Variants in NDUFS4 observed in about 807,000 individuals in gnomAD.
The protein encoded by NDUFS4 is NADH:ubiquinone oxidoreductase subunit S4.
Under a neutral mutation model 24.3 loss-of-function variants are expected in NDUFS4, and 28 were observed. That is an observed-to-expected ratio of 1.15 (90% confidence interval 0.85 to 1.58). The LOEUF is 1.58. Among genes scored for constraint, NDUFS4 ranks in the 40% most tolerant of loss-of-function variants. NDUFS4 has a pLI of 0.00. For missense variants in NDUFS4, 223 were observed against 207.9 expected, an observed-to-expected ratio of 1.07 and a Z score of -0.45; for synonymous variants, 93 against 69.7, an observed-to-expected ratio of 1.34 and a Z score of -1.67.
intron 1 of NDUFS4, among the ~76,000 whole-genome samples, chr5:53,577,134 A>T (rs1018702853): frequency 9.2e-5 from 14 of 152,142 alleles, no homozygotes; most frequent in Non-Finnish European, 1.9e-4. Flanking sequence ...GGGAACAAAA[A>T]AGTATGATGT....
intron 4 of NDUFS4, among the ~76,000 whole-genome samples, chr5:53,677,864 C>T (rs1432483949): frequency 6.6e-6 from 1 of 152,168 alleles, no homozygotes; most frequent in Non-Finnish European, 1.5e-5. Context: ...CACTTCCAAA[C>T]TCATGTCAGG....
rs141621684 is a variant in NDUFS4, at chr5:53,595,895, C to T, written c.99-7557C>T. Among the ~76,000 whole-genome samples the T allele has an allele frequency of 5.7e-4, 87 of 152,248 alleles. 1 individual carries two copies. In the East Asian group the frequency reaches 0.016, roughly 28 times the overall value. ...AAAATAATCCTTACTTTTTCCTCCT[C>T]TATGAGCAGGAGGTGCTTACTTTTT... On this transcript the variant is annotated intron_variant, in intron 1 of 4. Coordinates refer to ENST00000296684, the MANE Select transcript of NDUFS4 (RefSeq NM_002495.4).
chr5:53,627,879 C>T (rs1035733470), intron 2 of NDUFS4, among the ~76,000 whole-genome samples: 1 of 152,120 alleles, frequency 6.6e-6, no homozygotes, highest in East Asian at 1.9e-4. Context: ...TTATTTCTTT[C>T]TCTTGCCCGA....
intron 1 of NDUFS4, among the ~76,000 whole-genome samples, chr5:53,599,453 G>C (rs1750243066): frequency 6.6e-6 from 1 of 152,066 alleles, no homozygotes. Context: ...TGTTGTAAAA[G>C]GGTGTAAAAT....
chr5:53,596,756 G>C (rs1750146533), intron 1 of NDUFS4, among the ~76,000 whole-genome samples: 2 of 151,998 alleles, frequency 1.3e-5, no homozygotes, highest in African/African-American at 4.8e-5. Flanking sequence ...GGTGAGTCTG[G>C]GTTAATTTAA....
At chr5:53,661,945 G>C (rs1752356071) in intron 4 of NDUFS4, among the ~76,000 whole-genome samples, 1 of 137,078 alleles carries the variant, frequency 7.3e-6, no homozygotes, top group East Asian at 2.5e-4. Flanking sequence ...TCTGCAAACA[G>C]GGACAATTTG....
intron 4 of NDUFS4, among the ~76,000 whole-genome samples, chr5:53,682,585 G>C (rs900306996): frequency 2.0e-5 from 3 of 152,052 alleles, no homozygotes; most frequent in Admixed American, 2.0e-4. Context: ...GCCTGTCCAA[G>C]TCCAGGGGAT....
chr5:53,660,952 C>T (rs1297762319), intron 4 of NDUFS4, among the ~76,000 whole-genome samples: 1 of 152,136 alleles, frequency 6.6e-6, no homozygotes, highest in Non-Finnish European at 1.5e-5. Context: ...CTGTAGGTTG[C>T]CTGTTCACTC....
At chr5:53,682,921 A>ATCTT (rs1168566791) in intron 4 of NDUFS4, among the ~76,000 whole-genome samples, 197 bp from the exon 5 acceptor site, 5 of 142,006 alleles carry the variant, frequency 3.5e-5, no homozygotes, top group African/African-American at 1.3e-4. Flanking sequence ...TCTGCAGGCA[A>ATCTT]TCTTTTGGAC....
At chr5:53,642,055 G>A (rs1350536968) in intron 2 of NDUFS4, among the ~76,000 whole-genome samples, 1 of 152,080 alleles carries the variant, frequency 6.6e-6, no homozygotes, top group African/African-American at 2.4e-5. Flanking sequence ...TGGCTTTTCT[G>A]GGCGTACTGA....
chr5:53,584,041 T>G (rs1749661955), intron 1 of NDUFS4, among the ~76,000 whole-genome samples: 1 of 152,206 alleles, frequency 6.6e-6, no homozygotes, highest in Admixed American at 6.5e-5. Context: ...AAGCTTTTCC[T>G]TACAGTCCTG....
At chr5:53,580,615 G>C (rs941234435) in intron 1 of NDUFS4, among the ~76,000 whole-genome samples, 1 of 152,120 alleles carries the variant, frequency 6.6e-6, no homozygotes, top group Non-Finnish European at 1.5e-5. Flanking sequence ...ATGTTACGAT[G>C]ATGACTTCCT....
intron 4 of NDUFS4, among the ~76,000 whole-genome samples, chr5:53,661,609 G>A (rs943316971): frequency 1.1e-4 from 17 of 152,094 alleles, no homozygotes; most frequent in South Asian, 2.1e-4. Flanking sequence ...CCATTTTCAC[G>A]ATATTGATTC....
intron 2 of NDUFS4, among the ~76,000 whole-genome samples, chr5:53,626,093 G>A (rs567003065): frequency 2.0e-4 from 31 of 152,080 alleles, no homozygotes; most frequent in Middle Eastern, 3.4e-3. Flanking sequence ...GTGTCCAAGT[G>A]TTCTCATTGT....
chr5:53,588,798 A>G (rs1363930849), intron 1 of NDUFS4, among the ~76,000 whole-genome samples: 1 of 152,060 alleles, frequency 6.6e-6, no homozygotes, highest in Non-Finnish European at 1.5e-5. Flanking sequence ...ATCATGTCTT[A>G]TATTGTCACC....
At chr5:53,616,560 A>G (rs2112472731) in intron 2 of NDUFS4, among the ~76,000 whole-genome samples, 1 of 152,244 alleles carries the variant, frequency 6.6e-6, no homozygotes, top group Middle Eastern at 3.4e-3. Context: ...GGAAAAGCTA[A>G]TGACCAAAAG....
chr5:53,573,410 C>T (rs1749279639), intron 1 of NDUFS4, among the ~76,000 whole-genome samples: 1 of 152,080 alleles, frequency 6.6e-6, no homozygotes. Flanking sequence ...GAAAAGTTGA[C>T]ATTTCTGCTG....
chr5:53,596,511 C>G (rs1276832538), intron 1 of NDUFS4, among the ~76,000 whole-genome samples: 3 of 152,122 alleles, frequency 2.0e-5, no homozygotes, highest in African/African-American at 4.8e-5. Context: ...TTGGTTCTCT[C>G]TTTTTTCTAT....
At chr5:53,651,998 C>A (rs963609825) in intron 3 of NDUFS4, among the ~76,000 whole-genome samples, 1 of 152,060 alleles carries the variant, frequency 6.6e-6, no homozygotes, top group African/African-American at 2.4e-5. Context: ...TGGTCTCGAT[C>A]TCTTGACCTC....
Sources: allele counts gnomAD v4.1 joint callset (sites outside exome capture counted in the v4.1 genomes callset), GRCh38; gene constraint gnomAD v4.1.1; transcripts MANE v1.5; gene names NCBI Gene and HGNC (gene_info 2026-07-23, HGNC 2026-07-21).